KICS2: variants seen among roughly 807,000 people sequenced by gnomAD.
KICS2 encodes the protein KICSTOR subunit 2, also known as KICSTOR complex protein C12orf66.
Under a neutral mutation model 31.4 loss-of-function variants are expected in KICS2, and 13 were observed. That is an observed-to-expected ratio of 0.41 (90% CI 0.27 to 0.66). KICS2 has a LOEUF of 0.66. Among genes scored for constraint, KICS2 ranks in the 30% least tolerant of loss-of-function variants. The pLI is 0.28. For synonymous variants in KICS2, 209 were observed against 214.8 expected, an observed-to-expected ratio of 0.97 and a Z score of 0.24; for missense variants, 455 against 545.4, an observed-to-expected ratio of 0.83 and a Z score of 1.65.
chr12:64,205,546 T>C (rs1354654589), intron 2 of KICS2, among the ~76,000 whole-genome samples: 1 of 141,162 alleles, frequency 7.1e-6, no homozygotes, highest in African/African-American at 2.7e-5. Context: ...GTCTGAATAG[T>C]CTTAATACAG....
chr12:64,210,086 T>C (rs976706918), intron 2 of KICS2, among the ~76,000 whole-genome samples: 4 of 152,218 alleles, frequency 2.6e-5, no homozygotes, highest in African/African-American at 9.6e-5. Context: ...TGTTAGTTGA[T>C]ACATAAAGGA....
intron 2 of KICS2, among the ~76,000 whole-genome samples, chr12:64,202,216 G>A (rs935770926): frequency 6.6e-6 from 1 of 152,154 alleles, no homozygotes; most frequent in South Asian, 2.1e-4. Context: ...AGACAGCCTG[G>A]GCAACATGGA....
intron 2 of KICS2, among the ~76,000 whole-genome samples, chr12:64,203,028 A>G (rs1290557469): frequency 6.6e-6 from 1 of 152,030 alleles, no homozygotes; most frequent in Non-Finnish European, 1.5e-5. Flanking sequence ...TCATTTCTTA[A>G]TACCTCTCTC....
chr12:64,203,155 C>A (rs1464530289), intron 2 of KICS2, among the ~76,000 whole-genome samples: 2 of 152,160 alleles, frequency 1.3e-5, no homozygotes, highest in Admixed American at 1.3e-4. Flanking sequence ...TCCTTTGTCT[C>A]TAGAACTTTA....
rs762164607 is a variant in KICS2, at chr12:64,194,422, T to C, written c.758A>G (p.His253Arg). ...GAGTTTCATCAGCCAAAGGAAAAGG[T>C]GTGGAGGCTGCACGGCCTTCTGAGA... The part of the protein sequence containing the change: ...GQSQKAVQPP[H>R]LFLWLMKLKN... The change falls in exon 3 of 3, where the codon CAC (histidine) becomes CGC (arginine). Residue 253 changes from histidine to arginine, a missense_variant. By Grantham distance (29) the His-to-Arg change is conservative (BLOSUM62 0). Transcript: ENST00000398055. 10 of 1,614,132 alleles carry C rather than the reference T, an allele frequency of 6.2e-6. No homozygotes were observed. Among genetic ancestry groups the C allele is most frequent in the Admixed American group, 1.7e-5 (1 of 60,016 alleles).
chr12:64,216,126 A>T (rs1657054), intron 1 of KICS2, 163 bp from the exon 2 acceptor site: 34,854 of 90,624 alleles, frequency 0.38, 4,282 homozygotes, highest in East Asian at 0.61. Context: ...ACTTTATGAT[A>T]ATCATAAATA....
At chr12:64,205,002 AG>A in intron 2 of KICS2, 1 of 152,348 alleles carries the variant, frequency 6.6e-6, no homozygotes, top group South Asian at 2.1e-4. Flanking sequence ...CTTAGCTTTT[AG>A]GCCCCTTGAC....
At chr12:64,194,918 C>T (rs1399789352) in intron 2 of KICS2, among the ~76,000 whole-genome samples, 1 of 149,664 alleles carries the variant, frequency 6.7e-6, no homozygotes, top group East Asian at 2.0e-4. Flanking sequence ...AACAGGAATA[C>T]CAAATTAGCT....
chr12:64,187,130 A>C (rs2037344944), downstream of KICS2: 1 of 153,928 alleles, frequency 6.5e-6, no homozygotes, highest in African/African-American at 2.4e-5. Context: ...TTTTAGGACC[A>C]GCAAAAGCAG....
Position 64,193,098 on chromosome 12 carries a change from G to A in KICS2, c.*744C>T. 1 of 985,416 alleles carries A rather than the reference G, an allele frequency of 1.0e-6. No individual in the cohort carries two copies. Among genetic ancestry groups the A allele is most frequent in the Non-Finnish European group, 1.2e-6 (1 of 829,938 alleles). The allele number at this position is 985,416 out of a possible 1,614,324, so 61.0% of individuals were successfully genotyped here. On this transcript the variant is annotated 3_prime_UTR_variant, in exon 3 of 3. Transcript: ENST00000398055. ...GATAATATGCTGAAGAATGAAGAAA[G>A]CCCACATGATGGCTTATGCTGACTT...
intron 2 of KICS2, among the ~76,000 whole-genome samples, chr12:64,197,025 T>C (rs1475936579): frequency 2.8e-4 from 32 of 113,666 alleles, no homozygotes; most frequent in East Asian, 5.1e-4. Context: ...GAAAACACTC[T>C]GCAGGATATT....
At position 64,192,651 on chromosome 12, in the gene KICS2, GCTT is replaced by G; in HGVS notation, c.*1188_*1190del. 2.0e-6 allele frequency: 2 copies of G among 985,414 alleles called. No homozygotes were observed. The highest frequency in any genetic ancestry group is 2.4e-6 in the Non-Finnish European group (2 of 829,938). 61.0% of individuals were successfully genotyped at this position (985,414 alleles called of 1,614,324 possible). On this transcript the variant is annotated 3_prime_UTR_variant, in exon 3 of 3. Transcript: ENST00000398055. ...AGTAACAACTCAATTACTCTTTGTG[GCTT>G]CTTTTTATTTTGAATCAATAATCTA...
intron 2 of KICS2, among the ~76,000 whole-genome samples, chr12:64,195,820 G>C (rs1253656739): frequency 2.6e-5 from 4 of 152,224 alleles, no homozygotes; most frequent in East Asian, 1.9e-4. Context: ...TTCCCTTTCC[G>C]AGTCAAAGAA....
At chr12:64,210,632 C>T (rs546964688) in intron 2 of KICS2, among the ~76,000 whole-genome samples, 113 of 152,200 alleles carry the variant, frequency 7.4e-4, no homozygotes, top group African/African-American at 2.5e-3. Context: ...AAATAATTAT[C>T]CAGGGATGGT....
chr12:64,217,695 G>A (rs2037641810), intron 1 of KICS2, among the ~76,000 whole-genome samples: 1 of 152,100 alleles, frequency 6.6e-6, no homozygotes, highest in African/African-American at 2.4e-5. Flanking sequence ...CAGCTACTCG[G>A]GAGGCTGAGG....
intron 2 of KICS2, among the ~76,000 whole-genome samples, chr12:64,198,889 A>G (rs2037463393): frequency 6.6e-6 from 1 of 151,630 alleles, no homozygotes; most frequent in Non-Finnish European, 1.5e-5. Flanking sequence ...ACACTCTCCC[A>G]AGACTAAACC....
chr12:64,189,004 T>G (rs1358687938), downstream of KICS2, among the ~76,000 whole-genome samples: 1 of 151,928 alleles, frequency 6.6e-6, no homozygotes, highest in Non-Finnish European at 1.5e-5. Flanking sequence ...AATACAAAAA[T>G]TAGCTGGGCA....
rs789749 is a variant in KICS2 at position 64,192,441 on chromosome 12, G to A, written c.*1401C>T. Reference sequence around the variant, plus strand: ...TGCCTGGCCGGTTCTTCTTTCTTCTGCCAGGCAGTCCACCCTAGGTGGGCA... The same window carrying A: ...TGCCTGGCCGGTTCTTCTTTCTTCTACCAGGCAGTCCACCCTAGGTGGGCA... On this transcript the variant is annotated 3_prime_UTR_variant, in exon 3 of 3. Coordinates refer to ENST00000398055, the MANE Select transcript of KICS2 (RefSeq NM_152440.5). The A allele has an allele frequency of 0.49, 109,099 of 222,922 alleles. 26,908 individuals are homozygous for A. Among genetic ancestry groups the A allele is most frequent in the Admixed American group, 0.52 (7,902 of 15,332 alleles). The allele number at this position is 222,922 out of a possible 1,614,324, so 13.8% of individuals were successfully genotyped here.
At chr12:64,206,208 C>A (rs1177341868) in intron 2 of KICS2, among the ~76,000 whole-genome samples, 4 of 152,156 alleles carry the variant, frequency 2.6e-5, no homozygotes, top group Non-Finnish European at 5.9e-5. Context: ...GTGTGAGCCA[C>A]CATGCCGGGC....
Sources: gnomAD v4.1 joint callset for allele counts (sites outside exome capture counted in the v4.1 genomes callset) on GRCh38, gnomAD v4.1.1 for gene constraint, MANE v1.5 for transcripts, NCBI Gene and HGNC (gene_info 2026-07-23, HGNC 2026-07-21) for gene names.